Variants in CLEC16A observed in about 807,000 individuals in gnomAD.
CLEC16A encodes the protein protein CLEC16A.
A neutral mutation model predicts 109.5 loss-of-function variants in CLEC16A; 51 were observed. That is an observed-to-expected ratio of 0.47 (90% CI 0.37 to 0.59). The LOEUF is 0.59. CLEC16A is among the 20% of genes least tolerant of loss of function. The pLI, the probability that CLEC16A is intolerant of heterozygous loss-of-function variation, is 0.00. For missense variants in CLEC16A, 1,339 were observed against 1,394.0 expected (o/e 0.96, Z 0.63); for synonymous variants, 673 against 564.2 (o/e 1.19, Z -2.73).
chr16:11,003,385 A>G (rs1596997638), intron 11 of CLEC16A, 80 bp downstream of exon 11: 1 of 1,123,746 alleles, frequency 8.9e-7, no homozygotes, highest in South Asian at 1.4e-5. Flanking sequence ...TGCCCTCTCC[A>G]CCCAGACTTC....
intron 3 of CLEC16A, among the ~76,000 whole-genome samples, chr16:10,968,624 G>C (rs537755516): frequency 2.6e-5 from 4 of 152,186 alleles, no homozygotes; most frequent in Non-Finnish European, 5.9e-5. Flanking sequence ...AGAATGAGCA[G>C]GATCATGTGA....
intron 19 of CLEC16A, among the ~76,000 whole-genome samples, chr16:11,120,201 C>T (rs1194794489): frequency 6.6e-6 from 1 of 152,204 alleles, no homozygotes; most frequent in Non-Finnish European, 1.5e-5. Flanking sequence ...GAACTCTTCA[C>T]CCCAGGTGAT....
intron 15 of CLEC16A, among the ~76,000 whole-genome samples, chr16:11,042,711 G>A (rs569755658): frequency 1.3e-5 from 2 of 151,958 alleles, no homozygotes; most frequent in Non-Finnish European, 2.9e-5. Flanking sequence ...ATTGATTATG[G>A]TTTTTGTGTT....
In CLEC16A at chr16:10,977,308, A is replaced by C; in HGVS notation, c.812A>C (p.Asn271Thr). Residue 271 changes from asparagine (N) to threonine (T), a missense_variant, in exon 8 of 24, where the codon AAC becomes ACC. Coordinates refer to ENST00000409790, the MANE Select transcript of CLEC16A (RefSeq NM_015226.3). ...LHYLNDILII[N>T]CEFLNDVLTD... ...TATCTCAATGACATCCTGATCATCA[A>C]CTGTGAGTTCCTCAACGATGTGCTC... 1 of 1,613,992 alleles carries C rather than the reference A, an allele frequency of 6.2e-7. No homozygotes were observed. Among genetic ancestry groups the C allele is most frequent in the South Asian group, 1.1e-5 (1 of 91,078 alleles).
In CLEC16A at chr16:11,168,401, G is replaced by A. The variant is rs1225832614; in HGVS notation, c.2806+1849G>A. 5.3e-5 allele frequency among the ~76,000 whole-genome samples: 8 copies of A among 152,224 alleles called. 1 individual carries two copies. The East Asian group carries it at 1.5e-3, about 29-fold the overall frequency. The stretch of plus-strand genomic sequence containing the variant: ...AAGTGAGAGTCAGGACCTCCGAGGT[G>A]TCTGCTCCCATTTGGTGCGTCCCCA... On this transcript the variant is annotated intron_variant, in intron 23 of 23. Transcript: ENST00000409790.
In CLEC16A at chr16:11,141,133, C is replaced by T. The variant is rs571617065; in HGVS notation, c.2641+14987C>T. On this transcript the variant is annotated intron_variant, in intron 22 of 23. Transcript: ENST00000409790. The stretch of plus-strand genomic sequence containing the variant: ...GCCCTGGCTGGAGTCACTTGCAGAG[C>T]AGTTGGCCTGGCTCCTCCAGGCTTT... 3.9e-5 allele frequency among the ~76,000 whole-genome samples: 6 copies of T among 152,362 alleles called. No individual in the cohort carries two copies. In the East Asian group the frequency reaches 7.7e-4, roughly 20 times the overall value.
chr16:11,073,758 G>A (rs1417683124), intron 19 of CLEC16A, among the ~76,000 whole-genome samples: 4 of 152,298 alleles, frequency 2.6e-5, no homozygotes, highest in South Asian at 2.1e-4. Context: ...TGCGCTTACC[G>A]CTCTGTATAT....
At chr16:11,140,042 G>T (rs2053750422) in intron 22 of CLEC16A, among the ~76,000 whole-genome samples, 1 of 152,218 alleles carries the variant, frequency 6.6e-6, no homozygotes, top group Admixed American at 6.5e-5. Context: ...TTCATCCCTG[G>T]AGAGGGTGCC....
intron 10 of CLEC16A, among the ~76,000 whole-genome samples, chr16:10,991,472 G>T (rs549575877): frequency 1.3e-5 from 2 of 151,546 alleles, no homozygotes; most frequent in African/African-American, 2.4e-5. Context: ...AAGGCCCTGC[G>T]GTGGGATGGT....
In CLEC16A at chr16:11,087,898, C is replaced by G. The variant is rs193244211; in HGVS notation, c.2116+26876C>G. Among the ~76,000 whole-genome samples, 428 of 152,318 alleles carry G rather than the reference C, an allele frequency of 2.8e-3. 2 individuals carry two copies. The highest frequency in any genetic ancestry group is 0.027 in the Middle Eastern group (8 of 294). On this transcript the variant is annotated intron_variant, in intron 19 of 23. Coordinates refer to ENST00000409790, the MANE Select transcript of CLEC16A (RefSeq NM_015226.3). ...CTACCCAGTTTGAGGCAGGAAGTGT[C>G]TGAGAAGCTGGTCAGAGCTCCCCCG...
At chr16:11,050,044 A>T (rs569458735) in intron 17 of CLEC16A, among the ~76,000 whole-genome samples, 2 of 151,908 alleles carry the variant, frequency 1.3e-5, no homozygotes, top group South Asian at 2.1e-4. Flanking sequence ...CTTAATTTAT[A>T]AAAAAAAGAA....
intron 13 of CLEC16A, 148 bp from the exon 14 acceptor site, chr16:11,039,606 T>TA (rs955362875): frequency 7.4e-5 from 79 of 1,062,638 alleles, no homozygotes; most frequent in African/African-American, 1.5e-4. Context: ...TATTAAAAAC[T>TA]AAAAAAAAGA....
chr16:11,076,309 A>C (rs1055342776), intron 19 of CLEC16A, among the ~76,000 whole-genome samples: 3 of 151,662 alleles, frequency 2.0e-5, no homozygotes, highest in Non-Finnish European at 4.4e-5. Flanking sequence ...GTGCCCCAAA[A>C]CCCCCACTCT....
intron 13 of CLEC16A, 35 bp downstream of exon 13, chr16:11,024,956 G>T (rs1218423955): frequency 1.4e-6 from 2 of 1,434,542 alleles, no homozygotes; most frequent in East Asian, 4.7e-5. Context: ...TTCCTTGCTG[G>T]GCCCTGCATA....
intron 19 of CLEC16A, among the ~76,000 whole-genome samples, chr16:11,080,403 T>G (rs2049635965): frequency 6.6e-6 from 1 of 152,244 alleles, no homozygotes; most frequent in Admixed American, 6.5e-5. Flanking sequence ...AGGGTTGTTC[T>G]GAGCCAGTGT....
chr16:10,981,880 G>C (rs1052263648), intron 9 of CLEC16A, among the ~76,000 whole-genome samples: 4 of 152,164 alleles, frequency 2.6e-5, no homozygotes, highest in Middle Eastern at 3.2e-3. Context: ...GATGCATTCA[G>C]TTGTCATGAC....
At chr16:11,089,040 T>A (rs2050162730) in intron 19 of CLEC16A, among the ~76,000 whole-genome samples, 2 of 152,090 alleles carry the variant, frequency 1.3e-5, no homozygotes, top group African/African-American at 4.8e-5. Flanking sequence ...CCAGCCTCCG[T>A]TCAGGGGAGG....
intron 19 of CLEC16A, among the ~76,000 whole-genome samples, chr16:11,095,817 GA>G (rs34366897): frequency 0.34 from 36,534 of 106,772 alleles, 5,026 homozygotes; most frequent in African/African-American, 0.44. Flanking sequence ...GTCTCAAAAA[GA>G]AAAAAAAAAA....
intron 10 of CLEC16A, among the ~76,000 whole-genome samples, chr16:10,989,870 T>C (rs1369215507): frequency 1.3e-5 from 2 of 152,252 alleles, no homozygotes; most frequent in Non-Finnish European, 2.9e-5. Context: ...TGGTCGCTGC[T>C]GCAGGGCTTT....
Sources: gnomAD v4.1 joint callset for allele counts (sites outside exome capture counted in the v4.1 genomes callset) on GRCh38, gnomAD v4.1.1 for gene constraint, MANE v1.5 for transcripts, NCBI Gene and HGNC (gene_info 2026-07-23, HGNC 2026-07-21) for gene names.